GPBP1L1: variants seen among roughly 807,000 people sequenced by gnomAD.
The protein encoded by GPBP1L1 is vasculin-like protein 1.
GPBP1L1 carries 23 observed loss-of-function variants against 52.5 expected under a neutral mutation model. The ratio of observed to expected loss-of-function variants is 0.44; its 90% CI spans 0.32 to 0.62. GPBP1L1 has a LOEUF of 0.62. Ranked by LOEUF, GPBP1L1 falls within the 20% of genes least tolerant of loss-of-function variation. GPBP1L1 has a pLI of 0.06. For missense variants in GPBP1L1, 596 were observed against 579.3 expected (o/e 1.03, Z -0.30); for synonymous variants, 243 against 203.1 (o/e 1.20, Z -1.67).
rs1450720377 is a variant in GPBP1L1, at chr1:45,633,387, A to G, written c.1044+102T>C. 1.1e-5 allele frequency: 13 copies of G among 1,234,822 alleles called. No individual in the cohort carries two copies. In the East Asian group the frequency reaches 2.8e-4, roughly 27 times the overall value. 76.5% of individuals were successfully genotyped at this position (1,234,822 alleles called of 1,614,324 possible). A position where few individuals can be genotyped will look rare whatever the true frequency, so the allele number is the denominator to read the frequency against. ...ACACCTACAGACAGTATCTCTGTAC[A>G]TTTAAAAATCTTGCCACATCTTTAT... On this transcript the variant is annotated intron_variant, in intron 10 of 12. Transcript: ENST00000355105.
At chr1:45,631,177 A>G (rs908673112) in intron 10 of GPBP1L1, among the ~76,000 whole-genome samples, 8 of 152,252 alleles carry the variant, frequency 5.3e-5, no homozygotes. Context: ...TGTAAAACAC[A>G]AAACTATAAA....
At chr1:45,683,593 G>A (rs2148526790) in intron 2 of GPBP1L1, among the ~76,000 whole-genome samples, 1 of 149,734 alleles carries the variant, frequency 6.7e-6, no homozygotes, top group Admixed American at 6.6e-5. Flanking sequence ...TATCTACTTA[G>A]ACCTGGCGCT....
intron 6 of GPBP1L1, among the ~76,000 whole-genome samples, chr1:45,647,092 CTTCTT>C (rs1011049869): frequency 1.1e-4 from 16 of 148,280 alleles, no homozygotes; most frequent in Non-Finnish European, 1.9e-4. Flanking sequence ...TTTATTATTA[CTTCTT>C]TTCAAGAGTT....
In GPBP1L1 at chr1:45,654,678, T is replaced by C. The variant is rs1384133798; in HGVS notation, c.342A>G (p.Thr114=). 3 of 1,614,090 alleles carry C rather than the reference T, an allele frequency of 1.9e-6. No individual in the cohort carries two copies. In the South Asian group the frequency reaches 3.3e-5, roughly 18 times the overall value. ...TGCCATTCCAATGGCGATGGTTCCC[T>C]GTGCCACCTCCACTACGTTGGCTCA... ...DGMSQRSGGG[T]GNHRHWNGSF... Residue 114 remains threonine (T), a synonymous_variant, in exon 6 of 13, where the codon ACA becomes ACG. Coordinates refer to ENST00000355105, the MANE Select transcript of GPBP1L1 (RefSeq NM_021639.5).
chr1:45,654,350 A>C lies in GPBP1L1; in HGVS notation c.477+193T>G, dbSNP rs1397090762. On this transcript the variant is annotated intron_variant, in intron 6 of 12. Transcript: ENST00000355105. ...AAGACACAAAGATGAAAAATTTGCT[A>C]CAAGTTACATAGGAGTTTTGGTCAC... The C allele has an allele frequency of 1.9e-5, 9 of 475,044 alleles. No individual in the cohort carries two copies. The Admixed American group carries it at 3.1e-4, about 16-fold the overall frequency. The allele number at this position is 475,044 out of a possible 1,614,324, so 29.4% of individuals were successfully genotyped here.
intron 4 of GPBP1L1, among the ~76,000 whole-genome samples, chr1:45,656,352 T>C (rs1052674218): frequency 9.8e-5 from 15 of 152,330 alleles, no homozygotes; most frequent in Middle Eastern, 6.8e-3. Context: ...ATGGGTATGT[T>C]TGACAAGGAA....
At chr1:45,646,255 G>A (rs979993109) in intron 6 of GPBP1L1, 20 of 222,752 alleles carry the variant, frequency 9.0e-5, no homozygotes, top group Non-Finnish European at 1.6e-4. Context: ...ACACATTGAT[G>A]TTTGTCTGTG....
At chr1:45,640,163 C>T (rs368020123) in intron 8 of GPBP1L1, 47 bp downstream of exon 8, 1 of 1,457,604 alleles carries the variant, frequency 6.9e-7, no homozygotes, top group East Asian at 2.3e-5. Flanking sequence ...CTGATTTATT[C>T]CCAAACCTCT....
intron 2 of GPBP1L1, among the ~76,000 whole-genome samples, chr1:45,665,937 A>G (rs533018374): frequency 3.3e-5 from 5 of 151,932 alleles, no homozygotes; most frequent in Admixed American, 2.6e-4. Flanking sequence ...CTGTTCCTAG[A>G]CTTAGGTTGT....
chr1:45,645,771 T>TG (rs1644736535), intron 6 of GPBP1L1: 1 of 348,760 alleles, frequency 2.9e-6, no homozygotes, highest in African/African-American at 2.2e-5. Context: ...GTTTTTTGTT[T>TG]TTTTTTTTTT....
At chr1:45,647,707 G>C (rs1644767790) in intron 6 of GPBP1L1, among the ~76,000 whole-genome samples, 1 of 152,152 alleles carries the variant, frequency 6.6e-6, no homozygotes, top group African/African-American at 2.4e-5. Flanking sequence ...CATCTGAGTA[G>C]TTTTGTAGCA....
At chr1:45,659,984 C>T (rs1000666672) in intron 3 of GPBP1L1, among the ~76,000 whole-genome samples, 200 bp downstream of exon 3, 1 of 152,154 alleles carries the variant, frequency 6.6e-6, no homozygotes, top group African/African-American at 2.4e-5. Flanking sequence ...GACGATACAA[C>T]CTCTCAAGAG....
In GPBP1L1 at chr1:45,628,006, ATG is replaced by A. The variant is rs556590492; in HGVS notation, c.*248_*249del. 2,756 of 392,390 alleles carry A rather than the reference ATG, an allele frequency of 7.0e-3. No individual in the cohort carries two copies. Among genetic ancestry groups the A allele is most frequent in the South Asian group, 9.4e-3 (314 of 33,362 alleles). The allele number at this position is 392,390 out of a possible 1,614,324, so 24.3% of individuals were successfully genotyped here. On this transcript the variant is annotated 3_prime_UTR_variant, in exon 13 of 13. Transcript: ENST00000355105. ...ATCGCCCCATATATACTGGGTGTGT[ATG>A]TGTGTGTGTGTGTGAGTGTGTTTAA...
At chr1:45,649,942 A>T (rs1644801091) in intron 6 of GPBP1L1, among the ~76,000 whole-genome samples, 1 of 152,148 alleles carries the variant, frequency 6.6e-6, no homozygotes. Flanking sequence ...TAGGATTTTC[A>T]TTTCACCTGC....
chr1:45,658,538 A>G (rs950421236), intron 4 of GPBP1L1, among the ~76,000 whole-genome samples: 8 of 152,254 alleles, frequency 5.3e-5, no homozygotes, highest in Non-Finnish European at 1.2e-4. Context: ...GTAGACATTC[A>G]TGTGGACTGC....
intron 3 of GPBP1L1, among the ~76,000 whole-genome samples, chr1:45,659,357 G>T (rs1174568541): frequency 2.0e-5 from 3 of 152,158 alleles, no homozygotes; most frequent in African/African-American, 7.2e-5. Context: ...ACTGTAACAT[G>T]AGCCTGGAAG....
chr1:45,651,571 G>C (rs1644819860), intron 6 of GPBP1L1: 2 of 624,694 alleles, frequency 3.2e-6, no homozygotes, highest in Non-Finnish European at 5.8e-6. Context: ...GGCAGCGCAA[G>C]GCCTGGATGA....
intron 6 of GPBP1L1, among the ~76,000 whole-genome samples, chr1:45,645,080 TG>T (rs1644726206): frequency 6.6e-6 from 1 of 152,218 alleles, no homozygotes; most frequent in African/African-American, 2.4e-5. Context: ...CTCTTCAATT[TG>T]GCTTCTAAAT....
At chr1:45,654,187 A>C (rs772962326) in intron 6 of GPBP1L1, 4 of 176,548 alleles carry the variant, frequency 2.3e-5, no homozygotes, top group Non-Finnish European at 4.8e-5. Context: ...TATGTGATAG[A>C]GAACAAAATC....
Sources: allele counts gnomAD v4.1 joint callset (sites outside exome capture counted in the v4.1 genomes callset), GRCh38; gene constraint gnomAD v4.1.1; transcripts MANE v1.5; gene names NCBI Gene and HGNC (gene_info 2026-07-23, HGNC 2026-07-21).